FREM1: variants seen among roughly 807,000 people sequenced by gnomAD.
The protein encoded by FREM1 is FRAS1-related extracellular matrix protein 1.
In FREM1, 220 loss-of-function variants were observed where a neutral mutation model predicts 210.1. The observed-to-expected ratio is 1.05, with a 90% CI of 0.94 to 1.17. FREM1 has a LOEUF of 1.17. FREM1 is among the 50% of genes most tolerant of loss of function. FREM1 has a pLI of 0.00. For missense variants in FREM1, 3,454 were observed against 2,675.5 expected (o/e 1.29, Z -6.42); for synonymous variants, 1,189 against 980.2 (o/e 1.21, Z -3.98).
intron 36 of FREM1, among the ~76,000 whole-genome samples, chr9:14,738,767 T>C (rs1294366832): frequency 6.6e-6 from 1 of 152,112 alleles, no homozygotes; most frequent in Non-Finnish European, 1.5e-5. Flanking sequence ...TCCAGCATTT[T>C]GGGAGACCGA....
At chr9:14,866,625 G>A (rs1334075992) in intron 2 of FREM1, among the ~76,000 whole-genome samples, 1 of 152,178 alleles carries the variant, frequency 6.6e-6, no homozygotes, top group Non-Finnish European at 1.5e-5. Flanking sequence ...CGAGCTACCA[G>A]TGGGAATTTT....
intron 24 of FREM1, among the ~76,000 whole-genome samples, chr9:14,783,381 T>C (rs1322461575): frequency 6.6e-6 from 1 of 152,212 alleles, no homozygotes; most frequent in Non-Finnish European, 1.5e-5. Flanking sequence ...GCTCCATTTA[T>C]GTTATTTTAT....
chr9:14,772,078 T>C (rs1847664937), intron 25 of FREM1, among the ~76,000 whole-genome samples: 1 of 151,920 alleles, frequency 6.6e-6, no homozygotes, highest in Non-Finnish European at 1.5e-5. Context: ...CAACCAACCA[T>C]TTTTTCCTCT....
intron 6 of FREM1, among the ~76,000 whole-genome samples, chr9:14,849,339 AGACAT>A (rs1312901952): frequency 2.6e-5 from 4 of 152,242 alleles, no homozygotes; most frequent in Non-Finnish European, 5.9e-5. Context: ...CCTGATCTAG[AGACAT>A]GTATTTCACT....
chr9:14,776,784 G>A (rs1848663606), intron 24 of FREM1, among the ~76,000 whole-genome samples: 2 of 152,192 alleles, frequency 1.3e-5, no homozygotes, highest in Middle Eastern at 6.8e-3. Flanking sequence ...TCCCCTTCCA[G>A]GCCTCATTTC....
At chr9:14,848,931 T>C (rs972784540) in intron 6 of FREM1, among the ~76,000 whole-genome samples, 158 bp from the exon 7 acceptor site, 5 of 152,228 alleles carry the variant, frequency 3.3e-5, no homozygotes, top group African/African-American at 4.8e-5. Context: ...GATTTGACTT[T>C]TTCAGGTTCT....
chr9:14,861,020 C>T lies in FREM1; in HGVS notation c.330-1536G>A, dbSNP rs867424044. On this transcript the variant is annotated intron_variant, in intron 3 of 36. Transcript: ENST00000380880. ...ATATATACACATATATACATATATA[C>T]ACATATATACATATATACATATATA... Among the ~76,000 whole-genome samples, 10 of 101,488 alleles carry T rather than the reference C, an allele frequency of 9.9e-5. 1 individual carries two copies. Among genetic ancestry groups the T allele is most frequent in the African/African-American group, 4.0e-4 (8 of 20,100 alleles). The allele number at this position is 101,488 out of a possible 152,430, so 66.6% of individuals were successfully genotyped here. A position where few individuals can be genotyped will look rare whatever the true frequency, so the allele number is the denominator to read the frequency against.
At chr9:14,891,372 T>G (rs1418016104) in intron 1 of FREM1, among the ~76,000 whole-genome samples, 1 of 152,148 alleles carries the variant, frequency 6.6e-6, no homozygotes, top group Non-Finnish European at 1.5e-5. Flanking sequence ...CAAAAAAAAA[T>G]TCTTGCCCTT....
intron 25 of FREM1, chr9:14,774,048 T>G (rs1337739718): frequency 2.0e-6 from 1 of 507,976 alleles, no homozygotes; most frequent in East Asian, 5.5e-5. Flanking sequence ...ATAATTTTAA[T>G]ACAAAGTGCT....
At position 14,842,334 on chromosome 9, in the gene FREM1, G is replaced by C; in HGVS notation, c.1720C>G (p.Pro574Ala). ...PPQAGEIMKK[P>A]GPGLIGYPVH... is the part of the protein sequence containing the mutation. ...AACTTACCTATCAGTCCTGGCCCTG[G>C]CTTCTTCATGATCTCCCCAGCCTGT... The change falls in exon 9 of 37, where the codon CCA (proline) becomes GCA (alanine). Residue 574 changes from proline to alanine, a missense_variant. Transcript: ENST00000380880. 6.3e-7 allele frequency: 1 copy of C among 1,588,750 alleles called. No individual in the cohort carries two copies. The highest frequency in any genetic ancestry group is 8.6e-7 in the Non-Finnish European group (1 of 1,165,920).
rs777206342 is a variant in FREM1, at chr9:14,805,138, T to A, written c.3289A>T (p.Lys1097Ter). 6.4e-7 allele frequency: 1 copy of A among 1,565,984 alleles called. No individual in the cohort carries two copies. The highest frequency in any genetic ancestry group is 8.7e-7 in the Non-Finnish European group (1 of 1,154,758). Residue 1097 changes from lysine to a stop codon, truncating the protein, a stop_gained, in exon 19 of 37, where the codon AAA becomes TAA. Coordinates refer to ENST00000380880, the MANE Select transcript of FREM1 (RefSeq NM_001379081.2). LOFTEE classifies it high-confidence loss of function. The stretch of plus-strand genomic sequence containing the variant: ...TTAATGTGAAAAGCGTTCATGTCTT[T>A]CCACTGAAATGAATCTAGAGCACAC... ...IGISIDSFQWKDMNAFHINYV... is the reference protein window; with the variant it reads ...IGISIDSFQW
chr9:14,851,557 C>G lies in FREM1; in HGVS notation c.879G>C (p.Gln293His). Reference sequence around the variant, plus strand: ...CGGCCATGAATGCAGCCTTTGGAATCTGATTCGGAATTCCAGCTCTGATAT... The same window carrying G: ...CGGCCATGAATGCAGCCTTTGGAATGTGATTCGGAATTCCAGCTCTGATAT... ...PVYIRAGIPN[Q>H]IPKAAFMAVF... The change falls in exon 6 of 37, where the codon CAG becomes CAC. Residue 293 changes from glutamine (Q) to histidine (H), a missense_variant. Coordinates refer to ENST00000380880, the MANE Select transcript of FREM1 (RefSeq NM_001379081.2). The G allele has an allele frequency of 6.2e-7, 1 of 1,613,986 alleles. No individual in the cohort carries two copies. Among genetic ancestry groups the G allele is most frequent in the African/African-American group, 1.3e-5 (1 of 75,060 alleles).
intron 28 of FREM1, among the ~76,000 whole-genome samples, 158 bp downstream of exon 28, chr9:14,759,614 C>G (rs1327434256): frequency 6.6e-6 from 1 of 151,698 alleles, no homozygotes; most frequent in African/African-American, 2.4e-5. Flanking sequence ...GGATGGAGGG[C>G]CAAGGAGGTT....
At chr9:14,891,190 C>A (rs572542194) in intron 1 of FREM1, among the ~76,000 whole-genome samples, 3 of 152,262 alleles carry the variant, frequency 2.0e-5, no homozygotes, top group Non-Finnish European at 2.9e-5. Context: ...TGTTTAAATT[C>A]GTATTAAATC....
intron 1 of FREM1, among the ~76,000 whole-genome samples, chr9:14,886,861 T>A (rs527735170): frequency 7.6e-6 from 1 of 131,738 alleles, no homozygotes; most frequent in African/African-American, 3.0e-5. Flanking sequence ...GCAGCCTGAG[T>A]GACAAAGTGA....
intron 29 of FREM1, among the ~76,000 whole-genome samples, chr9:14,754,951 C>T (rs1355308323): frequency 1.3e-5 from 2 of 152,012 alleles, no homozygotes; most frequent in Non-Finnish European, 2.9e-5. Flanking sequence ...AAAAAAGGGG[C>T]AGGGACTTTA....
intron 27 of FREM1, among the ~76,000 whole-genome samples, chr9:14,765,186 T>G (rs1388141637): frequency 1.3e-5 from 2 of 152,222 alleles, no homozygotes; most frequent in Non-Finnish European, 2.9e-5. Context: ...ATCTAAGACT[T>G]CTCAATTCAT....
chr9:14,773,998 T>C (rs1848072916), intron 25 of FREM1: 7 of 470,346 alleles, frequency 1.5e-5, no homozygotes, highest in South Asian at 1.1e-4. Flanking sequence ...AAAGGGAAAG[T>C]GACTAAGATC....
intron 15 of FREM1, among the ~76,000 whole-genome samples, chr9:14,815,314 T>G (rs562645401): frequency 4.7e-4 from 71 of 152,284 alleles, no homozygotes; most frequent in African/African-American, 1.7e-3. Flanking sequence ...TACCTAAATA[T>G]CCTTAGCTAT....
Sources: allele counts gnomAD v4.1 joint callset (sites outside exome capture counted in the v4.1 genomes callset), GRCh38; gene constraint gnomAD v4.1.1; transcripts MANE v1.5; gene names NCBI Gene and HGNC (gene_info 2026-07-23, HGNC 2026-07-21).